Variants in NPAS3 observed in about 807,000 individuals in gnomAD.
NPAS3 encodes neuronal PAS domain-containing protein 3.
Under a neutral mutation model 73.1 loss-of-function variants are expected in NPAS3, and 14 were observed. That is an observed-to-expected ratio of 0.19 (90% CI 0.13 to 0.30). NPAS3 has a LOEUF of 0.30. Among genes scored for constraint, NPAS3 ranks in the 10% least tolerant of loss-of-function variants. The pLI, the probability that NPAS3 is intolerant of heterozygous loss-of-function variation, is 1.00. For synonymous variants in NPAS3, 620 were observed against 541.5 expected, an observed-to-expected ratio of 1.14 and a Z score of -2.01; for missense variants, 1,096 against 1,250.0, an observed-to-expected ratio of 0.88 and a Z score of 1.86.
intron 1 of NPAS3, among the ~76,000 whole-genome samples, chr14:32,986,520 G>A (rs1566434390): frequency 6.6e-6 from 1 of 152,098 alleles, no homozygotes; most frequent in Non-Finnish European, 1.5e-5. Context: ...TCAGTGGGGA[G>A]GGTGAGGTTT....
chr14:32,977,008 C>T (rs1387059237), intron 1 of NPAS3, among the ~76,000 whole-genome samples: 1 of 151,836 alleles, frequency 6.6e-6, no homozygotes. Context: ...CTTCTGTTCA[C>T]ACAGGACCCT....
intron 4 of NPAS3, among the ~76,000 whole-genome samples, chr14:33,405,496 C>T (rs1474343845): frequency 6.6e-6 from 1 of 152,048 alleles, no homozygotes; most frequent in African/African-American, 2.4e-5. Flanking sequence ...ATAAATTTGA[C>T]TGCTTCTTTG....
chr14:33,782,038 T>C (rs2062993711), intron 9 of NPAS3, among the ~76,000 whole-genome samples: 1 of 152,188 alleles, frequency 6.6e-6, no homozygotes. Context: ...GACGCCAACA[T>C]GGTATGTTAG....
intron 4 of NPAS3, among the ~76,000 whole-genome samples, chr14:33,477,264 T>C (rs894561054): frequency 6.6e-6 from 1 of 152,164 alleles, no homozygotes; most frequent in Admixed American, 6.5e-5. Flanking sequence ...GTTTCTTCTT[T>C]CCAAACTGTG....
chr14:32,959,943 C>T (rs1003602561), intron 1 of NPAS3, among the ~76,000 whole-genome samples: 3 of 150,932 alleles, frequency 2.0e-5, no homozygotes, highest in African/African-American at 7.3e-5. Context: ...GTAAGAGACA[C>T]GTGATATCTA....
Position 33,256,076 on chromosome 14 carries a change from T to C in NPAS3, c.385+40650T>C, listed in dbSNP as rs534442117. 2.6e-5 allele frequency among the ~76,000 whole-genome samples: 4 copies of C among 152,352 alleles called. No individual in the cohort carries two copies. The East Asian group carries it at 7.7e-4, about 29-fold the overall frequency. On this transcript the variant is annotated intron_variant, in intron 3 of 11. Transcript: ENST00000356141. Reference sequence around the variant, plus strand: ...AATAAGAACCAATAGATTACCATGGTCACTTGTAGGTTTATATTCTAAGTA... The same window carrying C: ...AATAAGAACCAATAGATTACCATGGCCACTTGTAGGTTTATATTCTAAGTA...
Position 33,780,427 on chromosome 14 carries a change from C to G in NPAS3, c.1153+1855C>G, listed in dbSNP as rs1035837128. 2.6e-5 allele frequency among the ~76,000 whole-genome samples: 4 copies of G among 152,106 alleles called. No individual in the cohort carries two copies. In the East Asian group the frequency reaches 5.8e-4, roughly 22 times the overall value. On this transcript the variant is annotated intron_variant, in intron 9 of 11. Transcript: ENST00000356141. ...TTTTGGAATAATACAGGCTAGAGAT[C>G]CAGACTTCACAAATGAATATATTGT...
intron 4 of NPAS3, among the ~76,000 whole-genome samples, chr14:33,393,141 G>T (rs1036779200): frequency 6.6e-6 from 1 of 152,066 alleles, no homozygotes; most frequent in African/African-American, 2.4e-5. Context: ...ACCTGTTGAG[G>T]GAAGTGAGGG....
chr14:33,531,347 G>A (rs902398114), intron 4 of NPAS3, among the ~76,000 whole-genome samples: 4 of 152,110 alleles, frequency 2.6e-5, no homozygotes, highest in South Asian at 2.1e-4. Context: ...CCTTTGTGCC[G>A]TCACTTTGTA....
chr14:33,025,726 C>A (rs982680263), intron 1 of NPAS3, among the ~76,000 whole-genome samples: 2 of 152,056 alleles, frequency 1.3e-5, no homozygotes, highest in Non-Finnish European at 1.5e-5. Flanking sequence ...GTGGCACTTC[C>A]CCCTTCATTC....
chr14:33,332,905 A>C (rs1281922658), intron 3 of NPAS3, among the ~76,000 whole-genome samples: 1 of 152,216 alleles, frequency 6.6e-6, no homozygotes, highest in Non-Finnish European at 1.5e-5. Context: ...TTGGCATTTC[A>C]TTGCTTTCCC....
chr14:33,797,747 CATAT>C (rs1317891204), intron 11 of NPAS3, among the ~76,000 whole-genome samples, 166 bp downstream of exon 11: 1 of 151,862 alleles, frequency 6.6e-6, no homozygotes, highest in Non-Finnish European at 1.5e-5. Flanking sequence ...TCCAGACACA[CATAT>C]ATATAATTGT....
chr14:33,627,025 C>T (rs866391978), intron 5 of NPAS3, among the ~76,000 whole-genome samples: 7 of 151,402 alleles, frequency 4.6e-5, no homozygotes, highest in Admixed American at 2.6e-4. Flanking sequence ...TATATTTATA[C>T]GTATATATAT....
chr14:33,244,922 A>C (rs1342324737), intron 3 of NPAS3, among the ~76,000 whole-genome samples: 2 of 152,080 alleles, frequency 1.3e-5, no homozygotes, highest in African/African-American at 4.8e-5. Context: ...GTAGTTTTAA[A>C]CTTCTTTTCT....
At chr14:33,430,523 T>C (rs2048739479) in intron 4 of NPAS3, among the ~76,000 whole-genome samples, 1 of 151,954 alleles carries the variant, frequency 6.6e-6, no homozygotes, top group Non-Finnish European at 1.5e-5. Flanking sequence ...CCTTCTCCCC[T>C]CTCCCAACTA....
intron 7 of NPAS3, among the ~76,000 whole-genome samples, chr14:33,750,705 T>C (rs1226465165): frequency 6.6e-6 from 1 of 152,228 alleles, no homozygotes; most frequent in African/African-American, 2.4e-5. Context: ...ATACTGATTG[T>C]GTACCTGTTG....
At chr14:33,672,383 T>C (rs1421767907) in intron 5 of NPAS3, among the ~76,000 whole-genome samples, 1 of 152,244 alleles carries the variant, frequency 6.6e-6, no homozygotes, top group African/African-American at 2.4e-5. Flanking sequence ...AAAGAAATTT[T>C]TTTTTCAGGC....
intron 6 of NPAS3, among the ~76,000 whole-genome samples, chr14:33,687,055 A>G (rs918917846): frequency 6.6e-6 from 1 of 152,216 alleles, no homozygotes; most frequent in Non-Finnish European, 1.5e-5. Flanking sequence ...AGGCCTTGCA[A>G]AGGAAGAAAC....
chr14:32,940,960 G>A (rs2035967488), intron 1 of NPAS3, among the ~76,000 whole-genome samples: 1 of 152,126 alleles, frequency 6.6e-6, no homozygotes, highest in African/African-American at 2.4e-5. Flanking sequence ...GATGTTAAAT[G>A]TGTATAGCAT....
Sources: gnomAD v4.1 joint callset for allele counts (sites outside exome capture counted in the v4.1 genomes callset) on GRCh38, gnomAD v4.1.1 for gene constraint, MANE v1.5 for transcripts, NCBI Gene and HGNC (gene_info 2026-07-23, HGNC 2026-07-21) for gene names.